SDC2: variants seen among roughly 807,000 people sequenced by gnomAD.
SDC2 encodes syndecan-2.
A neutral mutation model predicts 22.2 loss-of-function variants in SDC2; 13 were observed. The observed-to-expected ratio is 0.59, with a 90% CI of 0.38 to 0.93. The LOEUF is 0.93. Among genes scored for constraint, SDC2 ranks in the 40% least tolerant of loss-of-function variants. The pLI, the probability that SDC2 is intolerant of heterozygous loss-of-function variation, is 0.00. For synonymous variants in SDC2, 94 were observed against 92.8 expected, an observed-to-expected ratio of 1.01 and a Z score of -0.07; for missense variants, 235 against 246.8, an observed-to-expected ratio of 0.95 and a Z score of 0.32.
intron 1 of SDC2, among the ~76,000 whole-genome samples, chr8:96,505,436 T>C (rs1813224614): frequency 2.0e-5 from 3 of 152,124 alleles, no homozygotes; most frequent in African/African-American, 7.2e-5. Context: ...TCTGAGTAGC[T>C]GGGACTACAG....
intron 1 of SDC2, among the ~76,000 whole-genome samples, chr8:96,567,423 C>A (rs893367145): frequency 1.3e-5 from 2 of 152,118 alleles, no homozygotes; most frequent in African/African-American, 4.8e-5. Context: ...TCGTGTGTGA[C>A]GAAGTCTAGG....
intron 3 of SDC2, 138 bp downstream of exon 3, chr8:96,602,666 T>G: frequency 1.1e-6 from 1 of 874,576 alleles, no homozygotes; most frequent in Non-Finnish European, 1.7e-6. Flanking sequence ...ACAACAGTTC[T>G]TTTAAAAGAC....
chr8:96,536,025 A>G (rs114647463), intron 1 of SDC2, among the ~76,000 whole-genome samples: 4,789 of 152,278 alleles, frequency 0.031, 249 homozygotes, highest in African/African-American at 0.11. Context: ...GCCCACTAAC[A>G]TTTTTGGAAA....
At chr8:96,593,234 C>T (rs1031637009) in intron 1 of SDC2, among the ~76,000 whole-genome samples, 7 of 151,980 alleles carry the variant, frequency 4.6e-5, no homozygotes, top group Non-Finnish European at 7.4e-5. Flanking sequence ...TTTAGATCTC[C>T]GAAATGTTTT....
At chr8:96,532,412 GTTT>G (rs35452131) in intron 1 of SDC2, among the ~76,000 whole-genome samples, 3 of 47,944 alleles carry the variant, frequency 6.3e-5, no homozygotes, top group East Asian at 6.1e-4. Context: ...TTATTGAGGC[GTTT>G]TTTTTTTTTT....
At chr8:96,604,537 C>T (rs1052180340) in intron 3 of SDC2, among the ~76,000 whole-genome samples, 1 of 152,030 alleles carries the variant, frequency 6.6e-6, no homozygotes, top group Non-Finnish European at 1.5e-5. Context: ...TTTCATTTTG[C>T]TGTTTATGTG....
intron 1 of SDC2, among the ~76,000 whole-genome samples, chr8:96,574,197 G>T (rs186556807): frequency 6.6e-6 from 1 of 151,968 alleles, no homozygotes; most frequent in African/African-American, 2.4e-5. Context: ...AGGGGGTCTC[G>T]CAAGTCTCTA....
intron 1 of SDC2, among the ~76,000 whole-genome samples, chr8:96,546,884 G>A (rs1309144379): frequency 6.6e-6 from 1 of 152,190 alleles, no homozygotes; most frequent in African/African-American, 2.4e-5. Context: ...AAATGCTTTT[G>A]GGAAGAGGGG....
intron 2 of SDC2, among the ~76,000 whole-genome samples, chr8:96,601,669 C>G (rs796997827): frequency 7.1e-6 from 1 of 140,920 alleles, no homozygotes; most frequent in Admixed American, 7.1e-5. Flanking sequence ...AGAAACAAAA[C>G]AAAAACCCGG....
At position 96,609,371 on chromosome 8, in the gene SDC2, T is replaced by G; in HGVS notation, c.443-14T>G. On this transcript the variant is annotated splice_polypyrimidine_tract_variant and intron_variant, in intron 4 of 4. Transcript: ENST00000302190. ...GAATCTCTTCTAAAGTAATCTTCCT[T>G]TTGGTTGTTTCAGCTGTCATTGCTG... The G allele has an allele frequency of 6.2e-7, 1 of 1,605,074 alleles. No individual in the cohort carries two copies. Among genetic ancestry groups the G allele is most frequent in the South Asian group, 1.1e-5 (1 of 89,812 alleles).
intron 1 of SDC2, among the ~76,000 whole-genome samples, chr8:96,544,616 C>T (rs765440853): frequency 2.0e-5 from 3 of 152,154 alleles, no homozygotes; most frequent in Non-Finnish European, 2.9e-5. Context: ...TTATATTCCT[C>T]CCTACAAGAT....
chr8:96,555,428 G>A (rs763969029), intron 1 of SDC2, among the ~76,000 whole-genome samples: 23 of 152,134 alleles, frequency 1.5e-4, no homozygotes, highest in Non-Finnish European at 3.4e-4. Context: ...GAGGCAGAAT[G>A]TGAAGCGCTG....
chr8:96,514,130 A>G (rs779221256), intron 1 of SDC2, among the ~76,000 whole-genome samples: 5 of 152,276 alleles, frequency 3.3e-5, no homozygotes, highest in Admixed American at 1.3e-4. Flanking sequence ...CAAGATCTCT[A>G]TTTGCCAAAG....
At chr8:96,509,638 A>G (rs1813299238) in intron 1 of SDC2, among the ~76,000 whole-genome samples, 1 of 96,458 alleles carries the variant, frequency 1.0e-5, no homozygotes, top group Non-Finnish European at 2.8e-5. Flanking sequence ...ATCAAAATCT[A>G]TGTGGTTGGG....
intron 1 of SDC2, among the ~76,000 whole-genome samples, chr8:96,579,570 C>A (rs1470003665): frequency 6.6e-6 from 1 of 152,218 alleles, no homozygotes; most frequent in Non-Finnish European, 1.5e-5. Context: ...TGATACTTTT[C>A]TCTAAGAATA....
chr8:96,600,116 A>G (rs1814953026), intron 2 of SDC2, among the ~76,000 whole-genome samples: 1 of 152,126 alleles, frequency 6.6e-6, no homozygotes, highest in African/African-American at 2.4e-5. Flanking sequence ...CCATGATCGC[A>G]CCCCTGCACT....
intron 1 of SDC2, among the ~76,000 whole-genome samples, chr8:96,514,928 T>G (rs1813379806): frequency 6.6e-6 from 1 of 152,192 alleles, no homozygotes; most frequent in Non-Finnish European, 1.5e-5. Context: ...GGGGAATCCC[T>G]GCTCTAGTCA....
chr8:96,569,537 A>G (rs1228389235), intron 1 of SDC2, among the ~76,000 whole-genome samples: 1 of 152,162 alleles, frequency 6.6e-6, no homozygotes, highest in African/African-American at 2.4e-5. Flanking sequence ...TCCCCAGTAC[A>G]TAGTAGGTAC....
intron 1 of SDC2, among the ~76,000 whole-genome samples, chr8:96,557,018 GA>G (rs1381545775): frequency 6.6e-6 from 1 of 150,732 alleles, no homozygotes; most frequent in Admixed American, 6.6e-5. Flanking sequence ...AAAAACACAT[GA>G]AAAAATGCTC....
Sources: gnomAD v4.1 joint callset for allele counts (sites outside exome capture counted in the v4.1 genomes callset) on GRCh38, gnomAD v4.1.1 for gene constraint, MANE v1.5 for transcripts, NCBI Gene and HGNC (gene_info 2026-07-23, HGNC 2026-07-21) for gene names.